The following PTPRK variants were observed in gnomAD, a reference collection of about 807,000 sequenced individuals.
The protein encoded by PTPRK is receptor-type tyrosine-protein phosphatase kappa.
PTPRK carries 75 observed loss-of-function variants against 178.0 expected under a neutral mutation model. The observed-to-expected ratio is 0.42, with a 90% CI of 0.35 to 0.51. PTPRK has a LOEUF of 0.51. Among genes scored for constraint, PTPRK ranks in the 20% least tolerant of loss-of-function variants. The pLI, the probability that PTPRK is intolerant of heterozygous loss-of-function variation, is 0.02. For missense variants in PTPRK, 1,441 were observed against 1,797.8 expected (o/e 0.80, Z 3.59); for synonymous variants, 637 against 620.6 (o/e 1.03, Z -0.39).
At chr6:128,512,411 T>C (rs1350442465) in intron 1 of PTPRK, among the ~76,000 whole-genome samples, 2 of 152,228 alleles carry the variant, frequency 1.3e-5, no homozygotes, top group Non-Finnish European at 2.9e-5. Flanking sequence ...TTACTTCTTG[T>C]TTTTTATTAG....
chr6:128,211,675 T>C (rs1220078900), intron 6 of PTPRK, among the ~76,000 whole-genome samples: 3 of 152,118 alleles, frequency 2.0e-5, no homozygotes, highest in African/African-American at 7.2e-5. Flanking sequence ...AGAATGTATA[T>C]TAGCTAGCTT....
intron 7 of PTPRK, among the ~76,000 whole-genome samples, chr6:128,142,234 A>C (rs1036439188): frequency 6.6e-6 from 1 of 151,990 alleles, no homozygotes; most frequent in African/African-American, 2.4e-5. Context: ...AGCCTTTCAG[A>C]ACAAAGTCTC....
At chr6:128,357,082 G>C (rs186501475) in intron 2 of PTPRK, among the ~76,000 whole-genome samples, 84 of 152,280 alleles carry the variant, frequency 5.5e-4, no homozygotes, top group Admixed American at 9.8e-4. Context: ...ATTTAAGAAT[G>C]AGGATGGAGG....
At chr6:127,970,335 G>T in intron 29 of PTPRK, 55 bp from the exon 30 acceptor site, 2 of 1,399,646 alleles carry the variant, frequency 1.4e-6, no homozygotes, top group Non-Finnish European at 2.0e-6. Flanking sequence ...GACTAATGTT[G>T]AATAACAGTT....
intron 1 of PTPRK, among the ~76,000 whole-genome samples, chr6:128,517,587 G>C (rs1416258547): frequency 6.6e-6 from 1 of 152,170 alleles, no homozygotes; most frequent in Non-Finnish European, 1.5e-5. Flanking sequence ...CAGTGCAGCA[G>C]TTTTACACTT....
chr6:128,184,878 C>G (rs546800738), intron 6 of PTPRK, among the ~76,000 whole-genome samples, 153 bp from the exon 7 acceptor site: 1 of 152,234 alleles, frequency 6.6e-6, no homozygotes, highest in African/African-American at 2.4e-5. Flanking sequence ...GATCTGACAA[C>G]TGTACTTTTA....
chr6:128,016,599 T>C (rs1779620302), intron 13 of PTPRK, among the ~76,000 whole-genome samples: 1 of 151,974 alleles, frequency 6.6e-6, no homozygotes, highest in African/African-American at 2.4e-5. Context: ...ATCAGTTGCT[T>C]TTCTTCTTAC....
chr6:128,481,255 C>T (rs1852034854), intron 1 of PTPRK, among the ~76,000 whole-genome samples: 1 of 151,958 alleles, frequency 6.6e-6, no homozygotes, highest in African/African-American at 2.4e-5. Context: ...AATATGTGGC[C>T]AATTATTTAG....
chr6:128,358,994 G>A (rs777490312), intron 2 of PTPRK, among the ~76,000 whole-genome samples: 8 of 152,182 alleles, frequency 5.3e-5, no homozygotes, highest in Non-Finnish European at 8.8e-5. Context: ...TATTGCTCCC[G>A]GTTTCTATCA....
intron 1 of PTPRK, among the ~76,000 whole-genome samples, chr6:128,405,062 T>C (rs1841494441): frequency 6.6e-6 from 1 of 152,182 alleles, no homozygotes; most frequent in Non-Finnish European, 1.5e-5. Context: ...CTTTGAACCA[T>C]ATAATATATC....
chr6:128,193,372 T>A (rs1804233248), intron 6 of PTPRK, among the ~76,000 whole-genome samples: 2 of 151,892 alleles, frequency 1.3e-5, no homozygotes, highest in Non-Finnish European at 2.9e-5. Flanking sequence ...TAAAATGTTT[T>A]AAGTATTTTC....
chr6:128,379,540 AAG>A (rs1483201857), intron 2 of PTPRK, among the ~76,000 whole-genome samples: 1 of 152,224 alleles, frequency 6.6e-6, no homozygotes, highest in African/African-American at 2.4e-5. Context: ...ACCTTTAAGA[AAG>A]AGAGGACAAT....
At chr6:128,230,361 G>A (rs1419955475) in intron 5 of PTPRK, among the ~76,000 whole-genome samples, 1 of 152,162 alleles carries the variant, frequency 6.6e-6, no homozygotes, top group Non-Finnish European at 1.5e-5. Flanking sequence ...AGACTATGGT[G>A]TCTAGGGATG....
chr6:128,174,305 G>A (rs1800734345), intron 7 of PTPRK, among the ~76,000 whole-genome samples: 1 of 151,952 alleles, frequency 6.6e-6, no homozygotes, highest in Non-Finnish European at 1.5e-5. Flanking sequence ...TATCCAGAAA[G>A]AAGAAGGAGT....
chr6:128,308,669 G>T (rs1826800454), intron 3 of PTPRK, among the ~76,000 whole-genome samples: 1 of 152,096 alleles, frequency 6.6e-6, no homozygotes, highest in Admixed American at 6.6e-5. Context: ...ACGCATGAAA[G>T]GAATAGCAAC....
At chr6:127,973,595 C>T in intron 28 of PTPRK, 69 bp downstream of exon 28, 4 of 1,570,458 alleles carry the variant, frequency 2.5e-6, no homozygotes, top group Non-Finnish European at 3.5e-6. Context: ...GCCAGATAGT[C>T]TTTAACATTG....
chr6:128,018,577 A>G (rs922883829), intron 13 of PTPRK, among the ~76,000 whole-genome samples: 3 of 152,000 alleles, frequency 2.0e-5, no homozygotes, highest in Non-Finnish European at 4.4e-5. Context: ...AGGTAAGTTA[A>G]CCACTGCTCC....
chr6:128,083,682 A>G (rs1472488393), intron 9 of PTPRK, 33 bp downstream of exon 9: 2 of 1,360,304 alleles, frequency 1.5e-6, no homozygotes, highest in Admixed American at 1.9e-5. Flanking sequence ...CCTTCAATCC[A>G]CATTTCAATT....
chr6:128,257,570 T>C (rs889513083), intron 3 of PTPRK, among the ~76,000 whole-genome samples: 4 of 152,182 alleles, frequency 2.6e-5, no homozygotes, highest in African/African-American at 9.7e-5. Flanking sequence ...TTTAGTGCTA[T>C]ATTAACATAC....
Sources: gnomAD v4.1 joint callset for allele counts (sites outside exome capture counted in the v4.1 genomes callset) on GRCh38, gnomAD v4.1.1 for gene constraint, MANE v1.5 for transcripts, NCBI Gene and HGNC (gene_info 2026-07-23, HGNC 2026-07-21) for gene names.